FTCDNL1: variants seen among roughly 807,000 people sequenced by gnomAD.
FTCDNL1 encodes the protein formiminotransferase N-terminal subdomain-containing protein.
A neutral mutation model predicts 5.9 loss-of-function variants in FTCDNL1; 11 were observed. The observed-to-expected ratio is 1.87, with a 90% CI of 1.18 to 3.10. The LOEUF (loss-of-function observed/expected upper bound fraction) is 3.10. Ranked by LOEUF, FTCDNL1 falls within the 30% of genes most tolerant of loss-of-function variation. FTCDNL1 has a pLI of 0.00. For synonymous variants in FTCDNL1, 58 were observed against 24.8 expected (o/e 2.34, Z -3.99); for missense variants, 115 against 65.5 (o/e 1.76, Z -2.61).
chr2:199,841,256 T>C (rs1369704241), intron 3 of FTCDNL1, among the ~76,000 whole-genome samples: 1 of 151,980 alleles, frequency 6.6e-6, no homozygotes, highest in African/African-American at 2.4e-5. Flanking sequence ...ATGCAGTGGC[T>C]CACACCTGTA....
chr2:199,707,235 T>C, the FTCDNL1 span, among the ~76,000 whole-genome samples: 1 of 152,206 alleles, frequency 6.6e-6, no homozygotes, highest in African/African-American at 2.4e-5. Flanking sequence ...TCTGAAAGAA[T>C]TTATATGTTA....
chr2:199,725,436 G>A, the FTCDNL1 span, among the ~76,000 whole-genome samples: 4 of 152,076 alleles, frequency 2.6e-5, no homozygotes, highest in African/African-American at 9.7e-5. Flanking sequence ...TCATGATGCT[G>A]GCTAGTTATT....
chr2:199,735,581 A>G, the FTCDNL1 span, among the ~76,000 whole-genome samples: 1 of 152,076 alleles, frequency 6.6e-6, no homozygotes, highest in Admixed American at 6.6e-5. Context: ...AGCAAGAAGC[A>G]TTTCCATCTG....
At chr2:199,826,035 A>G (rs1249143496) in intron 3 of FTCDNL1, among the ~76,000 whole-genome samples, 1 of 152,234 alleles carries the variant, frequency 6.6e-6, no homozygotes. Flanking sequence ...GCCTAAAAGC[A>G]CAAACTGTGA....
intron 2 of FTCDNL1, among the ~76,000 whole-genome samples, chr2:199,847,675 T>TA (rs1259268845): frequency 6.6e-6 from 1 of 152,190 alleles, no homozygotes; most frequent in Non-Finnish European, 1.5e-5. Flanking sequence ...AATAAGCTGA[T>TA]AAAAACTGTG....
At chr2:199,829,671 C>T (rs967482810) in intron 3 of FTCDNL1, among the ~76,000 whole-genome samples, 6 of 152,140 alleles carry the variant, frequency 3.9e-5, no homozygotes, top group African/African-American at 1.4e-4. Context: ...TATTTAATAT[C>T]ATTCTTTTCC....
intron 3 of FTCDNL1, among the ~76,000 whole-genome samples, chr2:199,801,885 C>T (rs1005858330): frequency 6.6e-6 from 1 of 151,588 alleles, no homozygotes; most frequent in Admixed American, 6.6e-5. Flanking sequence ...TTGCAGTGAG[C>T]CGAGATCGCG....
the FTCDNL1 span, among the ~76,000 whole-genome samples, chr2:199,712,664 GCTCT>G: frequency 6.6e-6 from 1 of 152,302 alleles, no homozygotes; most frequent in Admixed American, 6.5e-5. Flanking sequence ...AGAGGGCCCT[GCTCT>G]CTCTGATTCT....
At chr2:199,728,603 T>C in the FTCDNL1 span, among the ~76,000 whole-genome samples, 3 of 152,162 alleles carry the variant, frequency 2.0e-5, no homozygotes, top group Non-Finnish European at 4.4e-5. Context: ...TTTTACTTTA[T>C]AAAACTTATA....
At chr2:199,844,852 AT>A (rs1475833157) in intron 3 of FTCDNL1, among the ~76,000 whole-genome samples, 1 of 152,120 alleles carries the variant, frequency 6.6e-6, no homozygotes, top group Non-Finnish European at 1.5e-5. Flanking sequence ...ATTTAATCAA[AT>A]TCCTTATTTT....
chr2:199,713,676 T>C, the FTCDNL1 span, among the ~76,000 whole-genome samples: 1 of 152,212 alleles, frequency 6.6e-6, no homozygotes, highest in South Asian at 2.1e-4. Context: ...TTTGCACATT[T>C]TTACTATGAT....
intron 4 of FTCDNL1, among the ~76,000 whole-genome samples, chr2:199,815,232 T>C (rs914068629): frequency 6.6e-6 from 1 of 152,224 alleles, no homozygotes; most frequent in East Asian, 1.9e-4. Flanking sequence ...TAAAAGGAAT[T>C]TGGCTTAAAA....
At chr2:199,714,681 C>A in the FTCDNL1 span, among the ~76,000 whole-genome samples, 1 of 152,078 alleles carries the variant, frequency 6.6e-6, no homozygotes, top group Non-Finnish European at 1.5e-5. Context: ...CACTGAGCAG[C>A]CAGCTGTGGC....
chr2:199,739,453 T>G, the FTCDNL1 span, among the ~76,000 whole-genome samples: 1 of 152,202 alleles, frequency 6.6e-6, no homozygotes, highest in African/African-American at 2.4e-5. Context: ...TGCAACATAG[T>G]GTGATTCTAG....
At chr2:199,703,179 A>G in the FTCDNL1 span, among the ~76,000 whole-genome samples, 390 of 151,998 alleles carry the variant, frequency 2.6e-3, 18 homozygotes, top group Non-Finnish European at 2.0e-3. Context: ...AGCATTAGGT[A>G]TATCTCCTAA....
At chr2:199,827,106 G>A (rs1702083314) in intron 3 of FTCDNL1, among the ~76,000 whole-genome samples, 1 of 152,190 alleles carries the variant, frequency 6.6e-6, no homozygotes, top group Non-Finnish European at 1.5e-5. Flanking sequence ...CTGGTGTGAT[G>A]CAGTGTGAAG....
the FTCDNL1 span, among the ~76,000 whole-genome samples, chr2:199,694,510 C>T: frequency 1.3e-5 from 2 of 152,084 alleles, no homozygotes; most frequent in South Asian, 4.2e-4. Context: ...TTCAATAATG[C>T]TACATAATAA....
the FTCDNL1 span, among the ~76,000 whole-genome samples, chr2:199,728,554 CAAT>C: frequency 3.3e-5 from 5 of 152,040 alleles, no homozygotes; most frequent in African/African-American, 1.2e-4. Context: ...AGCCTGGTAA[CAAT>C]GTTTCTAAGG....
At chr2:199,695,683 C>G in the FTCDNL1 span, among the ~76,000 whole-genome samples, 1 of 152,138 alleles carries the variant, frequency 6.6e-6, no homozygotes, top group South Asian at 2.1e-4. Context: ...CATCCAGAAT[C>G]CTAGCTCCAG....
Sources: allele counts gnomAD v4.1 joint callset (sites outside exome capture counted in the v4.1 genomes callset), GRCh38; gene constraint gnomAD v4.1.1; transcripts MANE v1.5; gene names NCBI Gene and HGNC (gene_info 2026-07-23, HGNC 2026-07-21).